SCN4A: variants seen among roughly 807,000 people sequenced by gnomAD.
SCN4A encodes sodium voltage-gated channel alpha subunit 4.
SCN4A carries 83 observed loss-of-function variants against 162.0 expected under a neutral mutation model. That is an observed-to-expected ratio of 0.51 (90% CI 0.43 to 0.61). The LOEUF (loss-of-function observed/expected upper bound fraction) is 0.61. SCN4A is among the 20% of genes least tolerant of loss of function. The probability of loss-of-function intolerance (pLI) is 0.00; values close to 1 mark genes in which losing one functional copy is unlikely to be tolerated. For missense variants in SCN4A, 2,196 were observed against 2,462.5 expected, an observed-to-expected ratio of 0.89 and a Z score of 2.29; for synonymous variants, 944 against 985.1, an observed-to-expected ratio of 0.96 and a Z score of 0.78.
At position 63,951,690 on chromosome 17, in the gene SCN4A, C is replaced by G. The variant is rs752706137; in HGVS notation, c.2587G>C (p.Gly863Arg). 1.9e-6 allele frequency: 3 copies of G among 1,602,070 alleles called. No homozygotes were observed. Among genetic ancestry groups the G allele is most frequent in the Non-Finnish European group, 2.6e-6 (3 of 1,174,082 alleles). ...CCCGCCTCTCCAGCCTCCCCGGCCC[C>G]GTCAGCCTCCCCGAGGCTGAGCATG... ...DIMLSLGEADGAGEAGEAGET... is the reference protein window; with the variant it reads ...DIMLSLGEADRAGEAGEAGET... Residue 863 changes from glycine (G) to arginine (R), a missense_variant, in exon 14 of 24, where the codon GGG becomes CGG. Transcript: ENST00000435607. This position sits in a 1 kb window ranked among gnomAD's most constrained non-coding sequence, Gnocchi z 4.5.
chr17:63,942,914 G>A lies in SCN4A; in HGVS notation c.4200C>T (p.Cys1400=), dbSNP rs760454638. 1.2e-6 allele frequency: 2 copies of A among 1,614,012 alleles called. No individual in the cohort carries two copies. Among genetic ancestry groups the A allele is most frequent in the East Asian group, 2.2e-5 (1 of 44,888 alleles). ...MIFIIIFTGE[C]VLKMLALRQY... is the part of the protein sequence containing the mutation. ...GGCGCAGGGCGAGCATCTTGAGCAC[G>A]CACTCCCCTGTGAAGATGATGATGA... Residue 1400 remains cysteine, a synonymous_variant, in exon 23 of 24, where the codon TGC becomes TGT. Transcript: ENST00000435607.
intron 10 of SCN4A, among the ~76,000 whole-genome samples, chr17:63,962,152 C>T (rs764585574): frequency 6.6e-6 from 1 of 152,194 alleles, no homozygotes; most frequent in Non-Finnish European, 1.5e-5. Flanking sequence ...CCCAGGGCTG[C>T]GAGCCTGGCC....
At chr17:63,967,561 G>C (rs895130573) in intron 6 of SCN4A, among the ~76,000 whole-genome samples, 90 of 152,284 alleles carry the variant, frequency 5.9e-4, no homozygotes, top group African/African-American at 2.1e-3. Context: ...GGGAGATCAA[G>C]TGACTAGTCA....
At chr17:63,963,959 A>T in intron 9 of SCN4A, 134 bp from the exon 10 acceptor site, 1 of 817,018 alleles carries the variant, frequency 1.2e-6, no homozygotes, top group Non-Finnish European at 1.8e-6. Context: ...AACTTAGTGC[A>T]GGTGGGGGAG....
Position 63,951,936 on chromosome 17 carries a change from C to G in SCN4A, c.2377-36G>C, listed in dbSNP as rs532481842. On this transcript the variant is annotated intron_variant, in intron 13 of 23. Coordinates refer to ENST00000435607, the MANE Select transcript of SCN4A (RefSeq NM_000334.4). This position sits in a 1 kb window ranked among gnomAD's most constrained non-coding sequence, Gnocchi z 4.5. ...GGGTCAGGGGGAGCCTCACATCAGT[C>G]CCCGGGACCCAGAGGGTGCCACCTT... The G allele has an allele frequency of 1.5e-6, 2 of 1,367,494 alleles. No individual in the cohort carries two copies. Among genetic ancestry groups the G allele is most frequent in the East Asian group, 5.0e-5 (2 of 39,718 alleles). The allele number at this position is 1,367,494 out of a possible 1,614,324, so 84.7% of individuals were successfully genotyped here. A position where few individuals can be genotyped will look rare whatever the true frequency, so the allele number is the denominator to read the frequency against.
At chr17:63,942,410 A>T (rs1908571849) in intron 23 of SCN4A, among the ~76,000 whole-genome samples, 1 of 152,222 alleles carries the variant, frequency 6.6e-6, no homozygotes, top group African/African-American at 2.4e-5. Context: ...TGGGAACAAC[A>T]GTTCCTGATC....
chr17:63,966,655 A>C, intron 6 of SCN4A, 111 bp from the exon 7 acceptor site: 4 of 765,438 alleles, frequency 5.2e-6, no homozygotes, highest in South Asian at 1.5e-5. Context: ...CATAAACCAA[A>C]CGGATGTTCC....
intron 6 of SCN4A, 124 bp downstream of exon 6, chr17:63,967,899 C>A (rs977794181): frequency 5.8e-6 from 5 of 860,112 alleles, no homozygotes; most frequent in Non-Finnish European, 9.1e-6. Flanking sequence ...CACCTTTGCA[C>A]TCCAGCCTGG....
Position 63,966,524 on chromosome 17 carries a change from C to T in SCN4A, c.1057G>A (p.Gly353Ser). 6.2e-7 allele frequency: 1 copy of T among 1,613,858 alleles called. No homozygotes were observed. The highest frequency in any genetic ancestry group is 1.1e-5 in the South Asian group (1 of 91,082). Reference protein sequence around the residue: ...SDEGNFYFLEGSNDALLCGNS... With the variant: ...SDEGNFYFLESSNDALLCGNS... ...CCACAGAGCAGGGCATCGTTGGAGC[C>T]CTCCAGGAAGTAGAAGTTCCCTTTG... The change falls in exon 7 of 24, where the codon GGC (glycine) becomes AGC (serine). Residue 353 changes from glycine to serine, a missense_variant. Transcript: ENST00000435607.
intron 4 of SCN4A, 77 bp downstream of exon 4, chr17:63,971,645 G>C (rs1909611196): frequency 3.8e-5 from 52 of 1,379,658 alleles, no homozygotes; most frequent in Non-Finnish European, 5.2e-5. Context: ...CCTCAGCCCA[G>C]GCAGCTTCCC....
At position 63,972,287 on chromosome 17, in the gene SCN4A, G is replaced by A. The variant is rs1909636413; in HGVS notation, c.393-62C>T. On this transcript the variant is annotated intron_variant, in intron 2 of 23. Coordinates refer to ENST00000435607, the MANE Select transcript of SCN4A (RefSeq NM_000334.4). This position sits in a 1 kb window ranked among gnomAD's most constrained non-coding sequence, Gnocchi z 4.3. ...GATGGGAGGTGATAGAGGGTCTCCT[G>A]GGCCACAGCACCCCATCTCGCCCAT... is the stretch of plus-strand genomic sequence containing the variant. The A allele has an allele frequency of 8.2e-6, 13 of 1,588,510 alleles. No homozygotes were observed. In the East Asian group the frequency reaches 2.9e-4, roughly 36 times the overall value.
intron 5 of SCN4A, 47 bp downstream of exon 5, chr17:63,971,115 C>T (rs781026301): frequency 2.1e-5 from 26 of 1,250,468 alleles, no homozygotes; most frequent in Admixed American, 5.9e-5. Flanking sequence ...GCACATGGTA[C>T]GGGGGTCTCT....
At chr17:63,954,831 C>T (rs934167245) in intron 13 of SCN4A, among the ~76,000 whole-genome samples, 2 of 152,150 alleles carry the variant, frequency 1.3e-5, no homozygotes, top group Admixed American at 1.3e-4. Context: ...GTGTGCATGT[C>T]TGTGTGATAG....
At chr17:63,952,205 T>C (rs1908936115) in intron 13 of SCN4A, among the ~76,000 whole-genome samples, 1 of 151,572 alleles carries the variant, frequency 6.6e-6, no homozygotes, top group African/African-American at 2.4e-5. Context: ...TTTCTTTTTT[T>C]TTTTTCGAGA....
In SCN4A at chr17:63,941,969, T is replaced by C. The variant is rs772316731; in HGVS notation, c.4313A>G (p.Gln1438Arg). 1 of 1,586,864 alleles carries C rather than the reference T, an allele frequency of 6.3e-7. No homozygotes were observed. The highest frequency in any genetic ancestry group is 2.2e-5 in the East Asian group (1 of 44,486). ...CAGCGTGGGTGACACGAAGTACTTC[T>C]GGATCAGGTCAGAGAGGGCAAGGCC... Reference protein sequence around the residue: ...IVGLALSDLIQKYFVSPTLFR... With the variant: ...IVGLALSDLIRKYFVSPTLFR... The change falls in exon 24 of 24, where the codon CAG becomes CGG. Residue 1438 changes from glutamine to arginine, a missense_variant. By Grantham distance (43) the Gln-to-Arg change is conservative. Coordinates refer to ENST00000435607, the MANE Select transcript of SCN4A (RefSeq NM_000334.4). The surrounding 1 kb of genome is among the most constrained non-coding windows in gnomAD (Gnocchi z 6.2).
intron 5 of SCN4A, among the ~76,000 whole-genome samples, chr17:63,968,712 C>T (rs1160225546): frequency 6.6e-6 from 1 of 152,178 alleles, no homozygotes; most frequent in Non-Finnish European, 1.5e-5. Context: ...ATGCTGTGCC[C>T]TTAAAAAGGG....
Position 63,940,927 on chromosome 17 carries a change from C to A in SCN4A, c.5355G>T (p.Gly1785=). The A allele has an allele frequency of 6.2e-7, 1 of 1,613,998 alleles. No homozygotes were observed. The highest frequency in any genetic ancestry group is 8.5e-7 in the Non-Finnish European group (1 of 1,179,884). ...TMSKMYGHEN[G]NSSSPSPEEK... is the part of the protein sequence containing the mutation. ...CCTCCGGGCTTGGCGAGCTGCTGTT[C>A]CCATTCTCGTGGCCATACATCTTGC... Residue 1785 remains glycine (G), a synonymous_variant, in exon 24 of 24, where the codon GGG becomes GGT. Coordinates refer to ENST00000435607, the MANE Select transcript of SCN4A (RefSeq NM_000334.4).
intron 7 of SCN4A, 51 bp from the exon 8 acceptor site, chr17:63,966,294 G>C (rs1909443431): frequency 1.9e-6 from 3 of 1,572,066 alleles, no homozygotes; most frequent in Non-Finnish European, 2.6e-6. Context: ...CACTCCAGCT[G>C]GGGGCAGATA....
Position 63,942,916 on chromosome 17 carries a change from A to G in SCN4A, c.4198T>C (p.Cys1400Arg). Residue 1400 changes from cysteine (C) to arginine (R), a missense_variant, in exon 23 of 24, where the codon TGC becomes CGC. Coordinates refer to ENST00000435607, the MANE Select transcript of SCN4A (RefSeq NM_000334.4). ...CGCAGGGCGAGCATCTTGAGCACGC[A>G]CTCCCCTGTGAAGATGATGATGAAG... ...MIFIIIFTGE[C>R]VLKMLALRQY... The G allele has an allele frequency of 6.2e-7, 1 of 1,613,862 alleles. No homozygotes were observed. Among genetic ancestry groups the G allele is most frequent in the Non-Finnish European group, 8.5e-7 (1 of 1,179,864 alleles).
Sources: allele counts gnomAD v4.1 joint callset (sites outside exome capture counted in the v4.1 genomes callset), GRCh38; gene constraint gnomAD v4.1.1; non-coding constraint Gnocchi (gnomAD v3.1); transcripts MANE v1.5; gene names NCBI Gene and HGNC (gene_info 2026-07-23, HGNC 2026-07-21).